Variants in IL6ST observed in about 807,000 individuals in gnomAD.
IL6ST encodes the protein interleukin-6 receptor subunit beta.
Under a neutral mutation model 91.3 loss-of-function variants are expected in IL6ST, and 24 were observed. That is an observed-to-expected ratio of 0.26 (90% CI 0.19 to 0.37). IL6ST has a LOEUF of 0.37. IL6ST is among the 10% of genes least tolerant of loss of function. The probability of loss-of-function intolerance (pLI) is 1.00; values close to 1 mark genes in which losing one functional copy is unlikely to be tolerated. For missense variants in IL6ST, 914 were observed against 1,078.5 expected (o/e 0.85, Z 2.14); for synonymous variants, 351 against 373.6 (o/e 0.94, Z 0.70).
chr5:55,954,565 T>C (rs112291545), intron 11 of IL6ST, among the ~76,000 whole-genome samples: 4 of 152,234 alleles, frequency 2.6e-5, no homozygotes, highest in African/African-American at 9.6e-5. Context: ...TTTAGGAGTT[T>C]TCCCTTGACG....
rs1580778915 is a variant in IL6ST, at chr5:55,941,271, A to C, written c.2568T>G (p.Ile856Met). Residue 856 changes from isoleucine (I) to methionine (M), a missense_variant, in exon 17 of 17, where the codon ATT becomes ATG. Transcript: ENST00000381298. ...VRLKQQISDH[I>M]SQSCGSGQMK... ...TTTGCCCAGATCCACAGGATTGTGAAATATGATCTGAAATCTGCTGTTTAA... is the reference window on the plus strand; with the variant it reads ...TTTGCCCAGATCCACAGGATTGTGACATATGATCTGAAATCTGCTGTTTAA... 1.2e-6 allele frequency: 2 copies of C among 1,614,114 alleles called. No homozygotes were observed. The highest frequency in any genetic ancestry group is 4.5e-5 in the East Asian group (2 of 44,886).
At chr5:55,945,763 G>A (rs1167242689) in intron 15 of IL6ST, among the ~76,000 whole-genome samples, 1 of 131,920 alleles carries the variant, frequency 7.6e-6, no homozygotes, top group Non-Finnish European at 1.5e-5. Flanking sequence ...CAATTCTCCT[G>A]CCTCAGCCTC....
chr5:55,950,448 A>G (rs1424277870), intron 14 of IL6ST, among the ~76,000 whole-genome samples: 1 of 149,716 alleles, frequency 6.7e-6, no homozygotes, highest in Non-Finnish European at 1.5e-5. Flanking sequence ...AGGTAGGAGA[A>G]TCACTTGAAC....
Position 55,982,704 on chromosome 5 carries a change from A to G in IL6ST, c.-16+20T>C, listed in dbSNP as rs1753734966. On this transcript the variant is annotated intron_variant, in intron 2 of 16. Coordinates refer to ENST00000381298, the MANE Select transcript of IL6ST (RefSeq NM_002184.4). ...TGTAAAATAAAAAAACAAAAAATTC[A>G]GACAAGATCAATTACTTACCCAAAT... The G allele has an allele frequency of 2.5e-6, 1 of 398,140 alleles. No homozygotes were observed. The highest frequency in any genetic ancestry group is 4.4e-6 in the Non-Finnish European group (1 of 225,870). The allele number at this position is 398,140 out of a possible 1,614,324, so 24.7% of individuals were successfully genotyped here. A position where few individuals can be genotyped will look rare whatever the true frequency, so the allele number is the denominator to read the frequency against.
chr5:55,968,517 A>C (rs1752767782), intron 4 of IL6ST, 121 bp from the exon 5 acceptor site: 1 of 833,030 alleles, frequency 1.2e-6, no homozygotes, highest in East Asian at 2.6e-5. Context: ...CCAAGCAAAA[A>C]GTATGGACAC....
intron 8 of IL6ST, among the ~76,000 whole-genome samples, chr5:55,957,520 G>A (rs1752064827): frequency 1.3e-5 from 2 of 152,058 alleles, no homozygotes; most frequent in African/African-American, 2.4e-5. Context: ...CCTCAAAATT[G>A]TAAAGGTAAA....
chr5:55,955,982 AT>A (rs1561170533), intron 10 of IL6ST, 42 bp downstream of exon 10: 5 of 1,409,714 alleles, frequency 3.5e-6, no homozygotes, highest in Non-Finnish European at 5.0e-6. Flanking sequence ...CCTAACCACC[AT>A]TTTTCCACCC....
chr5:55,960,341 C>T (rs1454735840), intron 8 of IL6ST, 61 bp downstream of exon 8: 18 of 1,344,622 alleles, frequency 1.3e-5, no homozygotes, highest in Non-Finnish European at 1.8e-5. Flanking sequence ...TTATTAAAAC[C>T]AGAACCAGTT....
intron 1 of IL6ST, among the ~76,000 whole-genome samples, chr5:55,986,166 A>ACTGATT (rs757154781): frequency 6.6e-6 from 1 of 152,200 alleles, no homozygotes; most frequent in Non-Finnish European, 1.5e-5. Context: ...CCATATCCTT[A>ACTGATT]CTGATTTTCT....
rs796740525 is a variant in IL6ST, at chr5:55,936,141, T to C, written c.*4941A>G. The C allele has an allele frequency of 4.4e-6, 1 of 227,614 alleles. No homozygotes were observed. The highest frequency in any genetic ancestry group is 1.8e-4 in the South Asian group (1 of 5,474). The allele number at this position is 227,614 out of a possible 1,614,324, so 14.1% of individuals were successfully genotyped here. A position where few individuals can be genotyped will look rare whatever the true frequency, so the allele number is the denominator to read the frequency against. The stretch of plus-strand genomic sequence containing the variant: ...ATTAATAGTTGAGATTTTCTTTTCC[T>C]TCCAGGTGGACTTGCTGACTGATTA... On this transcript the variant is annotated 3_prime_UTR_variant, in exon 17 of 17. Coordinates refer to ENST00000381298, the MANE Select transcript of IL6ST (RefSeq NM_002184.4).
intron 1 of IL6ST, among the ~76,000 whole-genome samples, chr5:55,987,957 G>T (rs933785774): frequency 2.0e-5 from 3 of 151,820 alleles, no homozygotes; most frequent in Non-Finnish European, 2.9e-5. Context: ...ATGGTGAAAC[G>T]CTGTCTCTAC....
At chr5:55,957,495 G>A (rs959867586) in intron 8 of IL6ST, among the ~76,000 whole-genome samples, 1 of 152,054 alleles carries the variant, frequency 6.6e-6, no homozygotes, top group Non-Finnish European at 1.5e-5. Context: ...CAATTATACT[G>A]GAACTCTTTT....
At chr5:55,944,027 A>G (rs1374933482) in intron 15 of IL6ST, among the ~76,000 whole-genome samples, 1 of 152,172 alleles carries the variant, frequency 6.6e-6, no homozygotes, top group African/African-American at 2.4e-5. Context: ...GCAGTGAGCC[A>G]AGATTGTGCC....
rs111498375 is a variant in IL6ST, at chr5:55,960,929, C to T, written c.814-368G>A. On this transcript the variant is annotated intron_variant, in intron 7 of 16. Coordinates refer to ENST00000381298, the MANE Select transcript of IL6ST (RefSeq NM_002184.4). Reference sequence around the variant, plus strand: ...TACAGATGTGAGCCACTGCGCTCAGCCTAGAAACTATTTATTTTTGAGACA... The same window carrying T: ...TACAGATGTGAGCCACTGCGCTCAGTCTAGAAACTATTTATTTTTGAGACA... Among the ~76,000 whole-genome samples, 519 of 152,122 alleles carry T rather than the reference C, an allele frequency of 3.4e-3. 3 individuals carry two copies. The highest frequency in any genetic ancestry group is 0.012 in the African/African-American group (497 of 41,496).
chr5:55,964,423 T>G (rs1337207858), intron 5 of IL6ST, 111 bp from the exon 6 acceptor site: 1 of 646,874 alleles, frequency 1.5e-6, no homozygotes, highest in African/African-American at 1.9e-5. Context: ...GTAGCAAACT[T>G]TGCAATATAA....
chr5:55,974,946 CACACACACAT>C (rs1753192158), intron 3 of IL6ST, among the ~76,000 whole-genome samples: 3 of 149,222 alleles, frequency 2.0e-5, no homozygotes, highest in South Asian at 4.2e-4. Flanking sequence ...TACACACACA[CACACACACAT>C]ACACACACAC....
intron 1 of IL6ST, among the ~76,000 whole-genome samples, chr5:55,986,332 G>A (rs1459063543): frequency 2.0e-5 from 3 of 152,168 alleles, no homozygotes; most frequent in Non-Finnish European, 4.4e-5. Flanking sequence ...ATTAGGAAAT[G>A]CCCTTCTTTA....
At chr5:55,976,354 A>C in intron 2 of IL6ST, 61 bp from the exon 3 acceptor site, 1 of 861,810 alleles carries the variant, frequency 1.2e-6, no homozygotes, top group Non-Finnish European at 1.8e-6. Context: ...ACATAATTTA[A>C]GACACAATCT....
intron 11 of IL6ST, among the ~76,000 whole-genome samples, chr5:55,952,819 T>C (rs1052228218): frequency 6.6e-6 from 1 of 152,178 alleles, no homozygotes; most frequent in Non-Finnish European, 1.5e-5. Flanking sequence ...CCCAGCACTT[T>C]GGGAGGTTAA....
Sources: gnomAD v4.1 joint callset for allele counts (sites outside exome capture counted in the v4.1 genomes callset) on GRCh38, gnomAD v4.1.1 for gene constraint, MANE v1.5 for transcripts, NCBI Gene and HGNC (gene_info 2026-07-23, HGNC 2026-07-21) for gene names.